SP140: variants seen among roughly 807,000 people sequenced by gnomAD.
SP140 encodes SP140 nuclear body protein.
In SP140, 81 loss-of-function variants were observed where a neutral mutation model predicts 125.0. That is an observed-to-expected ratio of 0.65 (90% CI 0.54 to 0.78). The LOEUF is 0.78. Ranked by LOEUF, SP140 falls within the 30% of genes least tolerant of loss-of-function variation. The pLI is 0.00. For synonymous variants in SP140, 312 were observed against 354.0 expected (o/e 0.88, Z 1.33); for missense variants, 858 against 1,037.0 (o/e 0.83, Z 2.37).
chr2:230,281,598 ACTC>A, intron 15 of SP140, among the ~76,000 whole-genome samples: 1 of 152,038 alleles, frequency 6.6e-6, no homozygotes. Flanking sequence ...GGCAATCACT[ACTC>A]TTCTTTTTAA....
At chr2:230,310,436 A>G (rs2059235611) in intron 23 of SP140, 1 of 574,528 alleles carries the variant, frequency 1.7e-6, no homozygotes. Context: ...CTGAAAACCC[A>G]GTTTCTGAAA....
At position 230,297,426 on chromosome 2, in the gene SP140, A is replaced by T; in HGVS notation, c.2022A>T (p.Ile674=). 6 of 1,613,924 alleles carry T rather than the reference A, an allele frequency of 3.7e-6. No homozygotes were observed. Among genetic ancestry groups the T allele is most frequent in the Non-Finnish European group, 5.1e-6 (6 of 1,179,742 alleles). ...PRIRYRKKKR[I]LKSQNNSSVD... is the part of the protein sequence containing the mutation. ...TCTTTCTGTTTTTTCAACAGAGAAT[A>T]CTGAAGTCTCAAAACAATAGCTCAG... The change falls in exon 22 of 27, where the codon ATA becomes ATT. Residue 674 remains isoleucine, a synonymous_variant. Coordinates refer to ENST00000392045, the MANE Select transcript of SP140 (RefSeq NM_007237.5).
upstream of SP140, among the ~76,000 whole-genome samples, chr2:230,224,892 T>A (rs1348228605): frequency 6.6e-6 from 1 of 152,244 alleles, no homozygotes; most frequent in African/African-American, 2.4e-5. Context: ...TTATATTTTT[T>A]ATATTTGCCC....
intron 22 of SP140, among the ~76,000 whole-genome samples, chr2:230,299,112 G>A (rs2058042904): frequency 6.6e-6 from 1 of 152,204 alleles, no homozygotes; most frequent in East Asian, 1.9e-4. Context: ...CTACTCAGAT[G>A]GACAGAACAG....
upstream of SP140, among the ~76,000 whole-genome samples, chr2:230,198,148 G>A (rs541762295): frequency 8.0e-6 from 1 of 124,576 alleles, no homozygotes; most frequent in East Asian, 2.5e-4. Context: ...GGGCCCTCCA[G>A]GGCTGCTGTC....
At chr2:230,213,103 T>C in intron 1 of SP140, 2 of 1,417,300 alleles carry the variant, frequency 1.4e-6, no homozygotes, top group South Asian at 1.2e-5. Context: ...TCTTAATACA[T>C]GCCTTCCAAT....
At chr2:230,303,883 C>T (rs942328313) in intron 22 of SP140, among the ~76,000 whole-genome samples, 1 of 152,144 alleles carries the variant, frequency 6.6e-6, no homozygotes, top group Admixed American at 6.5e-5. Context: ...TTCTATTCTA[C>T]ATGATACTAG....
intron 15 of SP140, among the ~76,000 whole-genome samples, chr2:230,276,653 GT>G (rs1260158725): frequency 6.6e-6 from 1 of 151,880 alleles, no homozygotes; most frequent in Non-Finnish European, 1.5e-5. Flanking sequence ...AGAAACACAT[GT>G]TGTAATGCTA....
At chr2:230,234,106 T>G (rs2047639052) in intron 1 of SP140, among the ~76,000 whole-genome samples, 1 of 152,254 alleles carries the variant, frequency 6.6e-6, no homozygotes, top group Non-Finnish European at 1.5e-5. Flanking sequence ...ATTCTGTTAA[T>G]GTAGTACATC....
At chr2:230,290,247 T>G (rs1163667989) in intron 18 of SP140, among the ~76,000 whole-genome samples, 1 of 152,188 alleles carries the variant, frequency 6.6e-6, no homozygotes, top group Non-Finnish European at 1.5e-5. Flanking sequence ...GCTAAAGCAT[T>G]CTATTTTGTA....
intron 15 of SP140, among the ~76,000 whole-genome samples, chr2:230,273,352 A>T (rs1214437325): frequency 6.6e-6 from 1 of 152,248 alleles, no homozygotes; most frequent in African/African-American, 2.4e-5. Flanking sequence ...AAAGCTCAAC[A>T]TCACTGATGA....
intron 1 of SP140, chr2:230,213,610 A>G (rs1205492497): frequency 6.5e-6 from 1 of 153,636 alleles, no homozygotes; most frequent in Non-Finnish European, 1.4e-5. Flanking sequence ...TTGCATGGCT[A>G]GTGCTGGGTT....
chr2:230,238,699 G>C (rs1394411223), intron 3 of SP140: 1 of 1,278,920 alleles, frequency 7.8e-7, no homozygotes, highest in Non-Finnish European at 1.1e-6. Flanking sequence ...CATGGGAAAG[G>C]AGGAAGCCTT....
intron 22 of SP140, among the ~76,000 whole-genome samples, chr2:230,303,398 A>G (rs2058485066): frequency 6.6e-6 from 1 of 152,226 alleles, no homozygotes; most frequent in African/African-American, 2.4e-5. Context: ...ACAAGCAGTG[A>G]GATTGAAATG....
chr2:230,239,105 G>C (rs1391808308), intron 3 of SP140: 49 of 1,262,250 alleles, frequency 3.9e-5, no homozygotes, highest in Non-Finnish European at 5.0e-5. Context: ...TGAAGAATGG[G>C]ATGTGTTGAT....
chr2:230,244,286 A>T (rs1453779670), intron 5 of SP140, among the ~76,000 whole-genome samples: 1 of 152,258 alleles, frequency 6.6e-6, no homozygotes, highest in African/African-American at 2.4e-5. Flanking sequence ...TTTGATGGAT[A>T]AACTTTTGCT....
At chr2:230,270,257 G>A (rs1397675381) in intron 14 of SP140, among the ~76,000 whole-genome samples, 20 of 152,146 alleles carry the variant, frequency 1.3e-4, no homozygotes, top group Admixed American at 1.1e-3. Flanking sequence ...ATACCCCAGT[G>A]AACTTCTGCT....
At position 230,287,985 on chromosome 2, in the gene SP140, A is replaced by C; in HGVS notation, c.1720+19A>C. On this transcript the variant is annotated intron_variant, in intron 18 of 26. Transcript: ENST00000392045. ...TCAAGAGGTAAAAAAGAAAACAGGA[A>C]TGAACTTTCAATAACTAAACATCTA... The C allele has an allele frequency of 6.3e-7, 1 of 1,592,544 alleles. No individual in the cohort carries two copies. Among genetic ancestry groups the C allele is most frequent in the Non-Finnish European group, 8.6e-7 (1 of 1,165,770 alleles).
chr2:230,271,793 T>C (rs1047728529), intron 15 of SP140, among the ~76,000 whole-genome samples: 1 of 152,168 alleles, frequency 6.6e-6, no homozygotes, highest in African/African-American at 2.4e-5. Context: ...AATGAGGAGA[T>C]TCACTGTCAG....
Sources: gnomAD v4.1 joint callset for allele counts (sites outside exome capture counted in the v4.1 genomes callset) on GRCh38, gnomAD v4.1.1 for gene constraint, MANE v1.5 for transcripts, NCBI Gene and HGNC (gene_info 2026-07-23, HGNC 2026-07-21) for gene names.